The following CPAMD8 variants were observed in gnomAD, a reference collection of about 807,000 sequenced individuals.
CPAMD8 encodes C3 and PZP-like alpha-2-macroglobulin domain-containing protein 8.
CPAMD8 carries 146 observed loss-of-function variants against 224.7 expected under a neutral mutation model. That is an observed-to-expected ratio of 0.65 (90% CI 0.57 to 0.75). CPAMD8 has a LOEUF of 0.75. Among genes scored for constraint, CPAMD8 ranks in the 30% least tolerant of loss-of-function variants. CPAMD8 has a pLI of 0.00. For missense variants in CPAMD8, 2,301 were observed against 2,537.5 expected, an observed-to-expected ratio of 0.91 and a Z score of 2.00; for synonymous variants, 966 against 1,044.6, an observed-to-expected ratio of 0.92 and a Z score of 1.45.
intron 16 of CPAMD8, 131 bp from the exon 17 acceptor site, chr19:16,975,389 T>A: frequency 1.4e-6 from 1 of 696,822 alleles, no homozygotes; most frequent in East Asian, 2.7e-5. Context: ...AGATGGGCAC[T>A]GGTAGCATCA....
chr19:16,970,894 G>C lies in CPAMD8; in HGVS notation c.2210C>G (p.Pro737Arg). Residue 737 changes from proline (P) to arginine (R), a missense_variant, in exon 18 of 42, where the codon CCC becomes CGC. Physicochemically the swap from Pro to Arg is moderately radical, Grantham distance 103. Coordinates refer to ENST00000443236, the MANE Select transcript of CPAMD8 (RefSeq NM_015692.5). ...LVAVAPSRHP[P>R]RTEKRKRTFF... The stretch of plus-strand genomic sequence containing the variant: ...TGCTCAATGTATAAGCCGTTACCTG[G>C]GGGGGTGCCTGGAAGGAGCCACTGC... 1.9e-6 allele frequency: 3 copies of C among 1,613,442 alleles called. No homozygotes were observed. Among genetic ancestry groups the C allele is most frequent in the East Asian group, 2.2e-5 (1 of 44,856 alleles).
chr19:16,986,520 T>C (rs541539223), intron 13 of CPAMD8, among the ~76,000 whole-genome samples: 1 of 152,230 alleles, frequency 6.6e-6, no homozygotes, highest in East Asian at 1.9e-4. Context: ...GAACAGTGTG[T>C]TCAGCCAAGC....
chr19:16,896,691 A>C (rs1599642145), intron 39 of CPAMD8, 26 bp from the exon 40 acceptor site: 1 of 1,373,694 alleles, frequency 7.3e-7, no homozygotes, highest in South Asian at 1.6e-5. Flanking sequence ...GGCTCGACAG[A>C]CCCCCCACCC....
chr19:16,998,232 G>A (rs762956957), intron 10 of CPAMD8, among the ~76,000 whole-genome samples: 9 of 152,278 alleles, frequency 5.9e-5, no homozygotes, highest in Non-Finnish European at 8.8e-5. Flanking sequence ...GGCCAGCAGC[G>A]GCAGATCACT....
chr19:16,906,903 A>T, intron 30 of CPAMD8, 49 bp downstream of exon 30: 1 of 1,525,136 alleles, frequency 6.6e-7, no homozygotes, highest in Non-Finnish European at 8.9e-7. Context: ...CAGACTCCAC[A>T]GTGGGCTTCC....
At chr19:16,934,350 A>T (rs568290784) in intron 23 of CPAMD8, among the ~76,000 whole-genome samples, 1 of 152,240 alleles carries the variant, frequency 6.6e-6, no homozygotes, top group South Asian at 2.1e-4. Flanking sequence ...AAACATATTT[A>T]AAATATTATT....
At chr19:16,912,645 A>C (rs1418100653) in intron 29 of CPAMD8, among the ~76,000 whole-genome samples, 1 of 152,142 alleles carries the variant, frequency 6.6e-6, no homozygotes, top group Non-Finnish European at 1.5e-5. Context: ...GCTACTCGGG[A>C]GTCTGAAGCT....
intron 14 of CPAMD8, among the ~76,000 whole-genome samples, chr19:16,979,586 C>T (rs1482334773): frequency 1.3e-5 from 2 of 151,418 alleles, no homozygotes; most frequent in Non-Finnish European, 2.9e-5. Flanking sequence ...ATCCTTCCAT[C>T]TATCCACTGT....
chr19:16,902,068 G>A (rs1405804231), intron 35 of CPAMD8, among the ~76,000 whole-genome samples: 2 of 152,056 alleles, frequency 1.3e-5, no homozygotes, highest in Non-Finnish European at 2.9e-5. Context: ...GGCCCGCTGC[G>A]GCCGGGTCCC....
chr19:16,978,639 G>A (rs556953736), intron 14 of CPAMD8, among the ~76,000 whole-genome samples: 4 of 152,274 alleles, frequency 2.6e-5, no homozygotes, highest in Admixed American at 1.3e-4. Flanking sequence ...ATAGAAGCCA[G>A]AGATGCTATT....
intron 8 of CPAMD8, among the ~76,000 whole-genome samples, chr19:17,002,777 T>C (rs1423708694): frequency 6.6e-6 from 1 of 152,236 alleles, no homozygotes; most frequent in East Asian, 1.9e-4. Flanking sequence ...CCTGGGAGTA[T>C]CAAGCCATCT....
chr19:16,906,336 CCCTTTCTT>C lies in CPAMD8; in HGVS notation c.4027+608_4027+615del, dbSNP rs1986291411. The stretch of plus-strand genomic sequence containing the variant: ...TCTCTCCCTCCTTCCTTCCTTCTTT[CCCTTTCTT>C]TCTTTCTTTCTTTCTTTCTTTCTTT... On this transcript the variant is annotated intron_variant, in intron 30 of 41. Transcript: ENST00000443236. 4.1e-5 allele frequency among the ~76,000 whole-genome samples: 5 copies of C among 123,076 alleles called. 1 individual carries two copies. Among genetic ancestry groups the C allele is most frequent in the Middle Eastern group, 7.4e-3 (2 of 270 alleles). The allele number at this position is 123,076 out of a possible 152,430, so 80.7% of individuals were successfully genotyped here.
intron 6 of CPAMD8, chr19:17,008,811 G>T: frequency 1.8e-6 from 1 of 546,156 alleles, no homozygotes; most frequent in African/African-American, 1.9e-5. Context: ...GACGTGGCTG[G>T]GTGTGGTGGC....
chr19:16,976,190 A>T (rs536432103), intron 15 of CPAMD8, 39 bp from the exon 16 acceptor site: 1 of 1,578,814 alleles, frequency 6.3e-7, no homozygotes, highest in Non-Finnish European at 8.6e-7. Flanking sequence ...AACTTGGTTC[A>T]GTTGGCTGTG....
intron 3 of CPAMD8, among the ~76,000 whole-genome samples, chr19:17,014,636 A>C (rs1389402522): frequency 6.6e-6 from 1 of 152,192 alleles, no homozygotes; most frequent in Non-Finnish European, 1.5e-5. Flanking sequence ...ATGAGAGCCA[A>C]GCAAAAAGGG....
chr19:16,904,176 A>AGGGGGCCCC, intron 32 of CPAMD8, 50 bp downstream of exon 32: 5 of 937,338 alleles, frequency 5.3e-6, no homozygotes, highest in South Asian at 1.4e-5. Flanking sequence ...GACTGCAGGG[A>AGGGGGCCCC]CCCCACCCAC....
intron 27 of CPAMD8, among the ~76,000 whole-genome samples, chr19:16,918,120 G>C (rs1026844497): frequency 2.8e-4 from 43 of 151,754 alleles, no homozygotes; most frequent in Admixed American, 8.5e-4. Context: ...TCAGCCTCCC[G>C]AGTAGCTGGG....
At chr19:17,007,474 G>A (rs575286273) in intron 7 of CPAMD8, among the ~76,000 whole-genome samples, 71 of 151,854 alleles carry the variant, frequency 4.7e-4, no homozygotes, top group South Asian at 1.9e-3. Context: ...GAAGGAGGAG[G>A]AGGAGGGAGA....
rs758809027 is a variant in CPAMD8, at chr19:16,903,864, A to C, written c.4252-7T>G. The C allele has an allele frequency of 3.8e-5, 62 of 1,612,436 alleles. No individual in the cohort carries two copies. Among genetic ancestry groups the C allele is most frequent in the Non-Finnish European group, 5.1e-5 (60 of 1,179,676 alleles). ...GCAGAGCCACGCAGGTGTCCTGGGG[A>C]TGGAGGAGGAGACGGCCATCAACCC... On this transcript the variant is annotated splice_polypyrimidine_tract_variant and splice_region_variant and intron_variant, in intron 32 of 41. Coordinates refer to ENST00000443236, the MANE Select transcript of CPAMD8 (RefSeq NM_015692.5).
Sources: allele counts gnomAD v4.1 joint callset (sites outside exome capture counted in the v4.1 genomes callset), GRCh38; gene constraint gnomAD v4.1.1; transcripts MANE v1.5; gene names NCBI Gene and HGNC (gene_info 2026-07-23, HGNC 2026-07-21).